HOOK2: variants seen among roughly 807,000 people sequenced by gnomAD.
HOOK2 encodes protein Hook homolog 2.
A neutral mutation model predicts 111.9 loss-of-function variants in HOOK2; 108 were observed. The ratio of observed to expected loss-of-function variants is 0.96; its 90% CI spans 0.83 to 1.13. HOOK2 has a LOEUF of 1.13. Among genes scored for constraint, HOOK2 ranks in the 50% most tolerant of loss-of-function variants. The pLI is 0.00. For missense variants in HOOK2, 978 were observed against 951.3 expected, an observed-to-expected ratio of 1.03 and a Z score of -0.37; for synonymous variants, 405 against 394.3, an observed-to-expected ratio of 1.03 and a Z score of -0.32.
At chr19:12,774,648 A>T in intron 3 of HOOK2, 21 bp downstream of exon 3, 1 of 1,612,918 alleles carries the variant, frequency 6.2e-7, no homozygotes, top group South Asian at 1.1e-5. Context: ...TCTGTCCTCT[A>T]ATCAGGAGTC....
At chr19:12,770,892 C>A in intron 10 of HOOK2, 40 bp downstream of exon 10, 1 of 1,565,866 alleles carries the variant, frequency 6.4e-7, no homozygotes, top group Non-Finnish European at 8.7e-7. Context: ...AGGTTTACCC[C>A]CCGCCCCCCG....
Position 12,769,926 on chromosome 19 carries a change from G to T in HOOK2, c.1059C>A (p.Arg353=). 6.4e-7 allele frequency: 1 copy of T among 1,550,800 alleles called. No individual in the cohort carries two copies. ...ERTRQLEDEL[R]RAGSLRAQLE... is the part of the protein sequence containing the mutation. Reference sequence around the variant, plus strand: ...GCTGGGCGCGCAGGGAGCCCGCTCGGCGTAGCTCATCCTCCAGTTGTCGCG... The same window carrying T: ...GCTGGGCGCGCAGGGAGCCCGCTCGTCGTAGCTCATCCTCCAGTTGTCGCG... Residue 353 remains arginine, a synonymous_variant, in exon 11 of 23, where the codon CGC becomes CGA. Coordinates refer to ENST00000397668, the MANE Select transcript of HOOK2 (RefSeq NM_013312.3).
rs376044799 is a variant in HOOK2, at chr19:12,769,874, G to A, written c.1104+7C>T. The A allele has an allele frequency of 2.8e-6, 4 of 1,434,062 alleles. No homozygotes were observed. Among genetic ancestry groups the A allele is most frequent in the Admixed American group, 5.9e-5 (2 of 34,022 alleles). 88.8% of individuals were successfully genotyped at this position (1,434,062 alleles called of 1,614,324 possible). On this transcript the variant is annotated splice_region_variant and intron_variant, in intron 11 of 22. Coordinates refer to ENST00000397668, the MANE Select transcript of HOOK2 (RefSeq NM_013312.3). ...GGGCCCCGGCCCTAACCCCGCCCCC[G>A]CCGCACCTGCCGCCGCTGCGCCTCC...
chr19:12,774,587 T>G, intron 3 of HOOK2, 82 bp downstream of exon 3: 1 of 1,298,408 alleles, frequency 7.7e-7, no homozygotes, highest in Non-Finnish European at 1.1e-6. Flanking sequence ...TTCCTGCCCA[T>G]CACCCAGGAC....
chr19:12,772,648 A>C lies in HOOK2; in HGVS notation c.421T>G (p.Ser141Ala). 6.2e-7 allele frequency: 1 copy of C among 1,614,128 alleles called. No individual in the cohort carries two copies. Among genetic ancestry groups the C allele is most frequent in the Non-Finnish European group, 8.5e-7 (1 of 1,180,010 alleles). ...GCTTCCATCACCACATGCTGAACCG[A>C]TTCTTCCAGCGTCATGATTCTCTGG... is the stretch of plus-strand genomic sequence containing the variant. ...HIQRIMTLEE[S>A]VQHVVMEAIQ... The change falls in exon 6 of 23, where the codon TCG (serine) becomes GCG (alanine). Residue 141 changes from serine (S) to alanine (A), a missense_variant. By Grantham distance (99) the Ser-to-Ala change is moderately conservative. Around this residue, in one of 5 missense-constraint regions of HOOK2, gnomAD observed 301 missense variants for 286.1 expected, o/e 1.05. Transcript: ENST00000397668.
Position 12,769,882 on chromosome 19 carries a change from T to C in HOOK2, c.1103A>G (p.Gln368Arg), listed in dbSNP as rs1477770899. 10 of 1,450,120 alleles carry C rather than the reference T, an allele frequency of 6.9e-6. No individual in the cohort carries two copies. The highest frequency in any genetic ancestry group is 1.4e-5 in the South Asian group (1 of 72,336). The allele number at this position is 1,450,120 out of a possible 1,614,324, so 89.8% of individuals were successfully genotyped here. ...LRAQLEAQRRQVQELQGQRQE... is the reference protein window; with the variant it reads ...LRAQLEAQRRRVQELQGQRQE... ...GCCCTAACCCCGCCCCCGCCGCACC[T>C]GCCGCCGCTGCGCCTCCAGCTGGGC... The change falls in exon 11 of 23, where the codon CAG becomes CGG. Residue 368 changes from glutamine (Q) to arginine (R), a missense_variant and splice_region_variant. Transcript: ENST00000397668.
upstream of HOOK2, among the ~76,000 whole-genome samples, chr19:12,780,444 C>A (rs1968588301): frequency 6.6e-6 from 1 of 151,624 alleles, no homozygotes; most frequent in Admixed American, 6.6e-5. Context: ...GCAAGCTCCG[C>A]CTCCCGGGTT....
At chr19:12,782,738 C>A (rs888349594), upstream of HOOK2, among the ~76,000 whole-genome samples, 2 of 152,164 alleles carry the variant, frequency 1.3e-5, no homozygotes, top group African/African-American at 2.4e-5. Context: ...CCTTGGGGCG[C>A]CGGTGAAACC....
intron 3 of HOOK2, 155 bp downstream of exon 3, chr19:12,774,513 AC>A: frequency 2.8e-6 from 2 of 725,832 alleles, no homozygotes; most frequent in Non-Finnish European, 4.8e-6. Context: ...CAGGCCTGGC[AC>A]AGGGTGAGTA....
At chr19:12,772,514 C>T in intron 6 of HOOK2, 99 bp downstream of exon 6, 1 of 1,363,796 alleles carries the variant, frequency 7.3e-7, no homozygotes, top group Non-Finnish European at 1.0e-6. Flanking sequence ...AGGCAGAGTC[C>T]AGACCTTACC....
chr19:12,773,224 TTTGTTTC>T (rs1968389145), intron 3 of HOOK2, 180 bp from the exon 4 acceptor site: 2 of 518,708 alleles, frequency 3.9e-6, no homozygotes, highest in Admixed American at 6.9e-5. Context: ...CCTGACCATC[TTTGTTTC>T]TTTTTTTTTT....
At chr19:12,789,814 C>T (rs1038470952) in intron 3 of HOOK2, among the ~76,000 whole-genome samples, 2 of 151,552 alleles carry the variant, frequency 1.3e-5, no homozygotes, top group Non-Finnish European at 3.0e-5. Context: ...GTGGGGGCCC[C>T]GGGGGCGGCG....
chr19:12,783,430 A>G (rs1195723775), upstream of HOOK2, among the ~76,000 whole-genome samples: 2 of 145,944 alleles, frequency 1.4e-5, no homozygotes, highest in Admixed American at 6.9e-5. Flanking sequence ...CGTCGCGGCG[A>G]TGAAACGGTT....
chr19:12,772,130 TC>T lies in HOOK2; in HGVS notation c.519+59del, dbSNP rs1968356437. ...TAATCACAGCAAACTTATCCCCAAC[TC>T]CCGGCCTTTGGATTTGCTGATCCCT... On this transcript the variant is annotated intron_variant, in intron 7 of 22. Transcript: ENST00000397668. 7.7e-6 allele frequency: 10 copies of T among 1,291,068 alleles called. No individual in the cohort carries two copies. In the South Asian group the frequency reaches 1.2e-4, roughly 15 times the overall value. The allele number at this position is 1,291,068 out of a possible 1,614,324, so 80.0% of individuals were successfully genotyped here.
In HOOK2 at chr19:12,791,787, G is replaced by A; in HGVS notation, n.42-17562C>T. ...GGCCGCCCGGATGTGCACTAAAATG[G>A]AACAGCCCTTCTACCACGACGACTC... On this transcript the variant is annotated intron_variant and non_coding_transcript_variant, in intron 3 of 3. Transcript: ENST00000589765. The surrounding 1 kb of genome is among the most constrained non-coding windows in gnomAD (Gnocchi z 7.0). The A allele has an allele frequency of 1.2e-6, 2 of 1,610,882 alleles. No individual in the cohort carries two copies. The highest frequency in any genetic ancestry group is 1.7e-6 in the Non-Finnish European group (2 of 1,178,040).
In HOOK2 at chr19:12,763,527, C is replaced by T. The variant is rs1968058200; in HGVS notation, c.2010+1G>A. The T allele has an allele frequency of 6.2e-7, 1 of 1,614,242 alleles. No homozygotes were observed. Among genetic ancestry groups the T allele is most frequent in the African/African-American group, 1.3e-5 (1 of 75,062 alleles). The stretch of plus-strand genomic sequence containing the variant: ...TCTTAGAGCCCAGACCCCACACTTA[C>T]CATATTATACCAGGCACTGATGAGC... On this transcript the variant is annotated splice_donor_variant, in intron 22 of 22. Coordinates refer to ENST00000397668, the MANE Select transcript of HOOK2 (RefSeq NM_013312.3). LOFTEE classifies it high-confidence loss of function.
chr19:12,764,890 T>A lies in HOOK2; in HGVS notation c.1751A>T (p.His584Leu). The change falls in exon 20 of 23, where the codon CAT becomes CTT. Residue 584 changes from histidine (H) to leucine (L), a missense_variant. Physicochemically the swap from His to Leu is moderately conservative, Grantham distance 99. This residue lies in a region of HOOK2 where 277 missense variants were observed against 265.8 expected (regional missense o/e 1.04). Transcript: ENST00000397668. ...STARRIEELQ[H>L]NLQKKDADLR... ...GTCCGCGTCCTTCTTCTGCAAGTTATGCTGCAGCTCCTCGATCCGCCGGGC... is the reference window on the plus strand; with the variant it reads ...GTCCGCGTCCTTCTTCTGCAAGTTAAGCTGCAGCTCCTCGATCCGCCGGGC... The A allele has an allele frequency of 1.2e-6, 2 of 1,614,194 alleles. No homozygotes were observed. Among genetic ancestry groups the A allele is most frequent in the Non-Finnish European group, 1.7e-6 (2 of 1,180,034 alleles).
At position 12,773,044 on chromosome 19, in the gene HOOK2, C is replaced by A. The variant is rs1399521341; in HGVS notation, c.205G>T (p.Val69Phe). The change falls in exon 4 of 23, where the codon GTC becomes TTC. Residue 69 changes from valine to phenylalanine, a missense_variant and splice_region_variant. Physicochemically the swap from Val to Phe is conservative, Grantham distance 50 (BLOSUM62 -1). Around this residue, in one of 5 missense-constraint regions of HOOK2, gnomAD observed 301 missense variants for 286.1 expected, o/e 1.05. Transcript: ENST00000397668. ...CGTAAGACCATCTTCAGATTGCTGA[C>A]CTAGGGAGGAACAAGGAACTGTGGA... is the stretch of plus-strand genomic sequence containing the variant. ...EDPGPNWKLK[V>F]SNLKMVLRSL... The A allele has an allele frequency of 6.2e-7, 1 of 1,614,040 alleles. No individual in the cohort carries two copies. The highest frequency in any genetic ancestry group is 2.2e-5 in the East Asian group (1 of 44,860).
upstream of HOOK2, among the ~76,000 whole-genome samples, chr19:12,782,888 C>T (rs189514907): frequency 2.4e-3 from 327 of 135,966 alleles, 2 homozygotes; most frequent in South Asian, 0.018. Flanking sequence ...AGCTGAGACC[C>T]CCCCCCCAGT....
Sources: gnomAD v4.1 joint callset for allele counts (sites outside exome capture counted in the v4.1 genomes callset) on GRCh38, gnomAD v4.1.1 for gene constraint, gnomAD v4.1.1 regional missense constraint, Gnocchi (gnomAD v3.1) non-coding constraint, MANE v1.5 for transcripts, NCBI Gene and HGNC (gene_info 2026-07-23, HGNC 2026-07-21) for gene names.